ABTB3: variants seen among roughly 807,000 people sequenced by gnomAD.
ABTB3 encodes the protein ankyrin repeat and BTB domain containing 3.
At chr12:107,526,667 T>A in the ABTB3 span, among the ~76,000 whole-genome samples, 23 of 152,288 alleles carry the variant, frequency 1.5e-4, no homozygotes, top group Middle Eastern at 3.4e-3. Flanking sequence ...TTCTAAAATG[T>A]CTCTTCCTGT....
At chr12:107,539,269 G>A in the ABTB3 span, among the ~76,000 whole-genome samples, 2 of 152,130 alleles carry the variant, frequency 1.3e-5, no homozygotes, top group South Asian at 2.1e-4. Context: ...CTCAGTGCCC[G>A]ATCCCACCCC....
chr12:107,652,836 A>AG, the ABTB3 span, among the ~76,000 whole-genome samples: 1 of 152,362 alleles, frequency 6.6e-6, no homozygotes, highest in East Asian at 1.9e-4. Context: ...TGCTGAGCAC[A>AG]GGGGGGATTA....
the ABTB3 span, among the ~76,000 whole-genome samples, chr12:107,553,944 G>A: frequency 6.6e-6 from 1 of 152,142 alleles, no homozygotes; most frequent in Non-Finnish European, 1.5e-5. Context: ...TCTTGAGAGA[G>A]AGAGAGAGAA....
the ABTB3 span, among the ~76,000 whole-genome samples, chr12:107,377,892 A>C: frequency 6.6e-6 from 1 of 152,184 alleles, no homozygotes; most frequent in Non-Finnish European, 1.5e-5. Flanking sequence ...CCCATTCTGG[A>C]CTTGTTTTAA....
chr12:107,420,741 A>T, the ABTB3 span, among the ~76,000 whole-genome samples: 4 of 152,186 alleles, frequency 2.6e-5, no homozygotes, highest in Admixed American at 2.6e-4. Flanking sequence ...TCACTGCCTT[A>T]GTTGTGGGAC....
At chr12:107,400,456 T>A in the ABTB3 span, among the ~76,000 whole-genome samples, 10 of 152,196 alleles carry the variant, frequency 6.6e-5, no homozygotes, top group Non-Finnish European at 1.5e-4. Context: ...CACTGAGTCA[T>A]GATTTCTCTG....
chr12:107,623,285 T>G, the ABTB3 span, among the ~76,000 whole-genome samples: 1 of 151,408 alleles, frequency 6.6e-6, no homozygotes, highest in African/African-American at 2.4e-5. Flanking sequence ...GGCCTCAATC[T>G]CTTGACCTCG....
chr12:107,471,508 T>C, the ABTB3 span, among the ~76,000 whole-genome samples: 7 of 152,218 alleles, frequency 4.6e-5, no homozygotes, highest in Non-Finnish European at 1.0e-4. Context: ...CTTATAGGTA[T>C]TGAGCCCTTA....
At chr12:107,545,262 A>G in the ABTB3 span, among the ~76,000 whole-genome samples, 9 of 151,798 alleles carry the variant, frequency 5.9e-5, no homozygotes, top group African/African-American at 2.2e-4. Flanking sequence ...TTTTTGAGAC[A>G]GGATCTCACT....
the ABTB3 span, among the ~76,000 whole-genome samples, chr12:107,346,547 C>T: frequency 6.6e-6 from 1 of 152,070 alleles, no homozygotes; most frequent in South Asian, 2.1e-4. Flanking sequence ...GCAACCTCTG[C>T]CTCCCGGGTT....
the ABTB3 span, chr12:107,520,540 A>T: frequency 6.2e-7 from 1 of 1,614,214 alleles, no homozygotes; most frequent in Non-Finnish European, 8.5e-7. Context: ...ACAGCGGTCA[A>T]ACAAGCCAGG....
At chr12:107,408,497 G>A in the ABTB3 span, among the ~76,000 whole-genome samples, 13 of 152,184 alleles carry the variant, frequency 8.5e-5, no homozygotes, top group Admixed American at 7.9e-4. Context: ...GAGGAGAGCT[G>A]GGCTAGATTT....
chr12:107,637,198 C>T, the ABTB3 span, among the ~76,000 whole-genome samples: 1 of 152,196 alleles, frequency 6.6e-6, no homozygotes, highest in African/African-American at 2.4e-5. Context: ...CGAGACCAGC[C>T]TTGCCAACAT....
At chr12:107,389,004 C>CTTTTTAATT in the ABTB3 span, among the ~76,000 whole-genome samples, 35,989 of 152,082 alleles carry the variant, frequency 0.24, 4,400 homozygotes, top group Admixed American at 0.29. Context: ...TTGGAGTGAA[C>CTTTTTAATT]CAACATTAAA....
the ABTB3 span, among the ~76,000 whole-genome samples, chr12:107,333,000 A>G: frequency 2.6e-5 from 4 of 152,204 alleles, no homozygotes; most frequent in Admixed American, 1.3e-4. Context: ...ACTAGAAGCC[A>G]TTATTAAGCT....
the ABTB3 span, among the ~76,000 whole-genome samples, chr12:107,530,299 T>A: frequency 1.3e-5 from 2 of 152,158 alleles, no homozygotes; most frequent in African/African-American, 4.8e-5. Context: ...AATCTTCTTG[T>A]TTTGAGCTTT....
chr12:107,585,577 C>T, the ABTB3 span, among the ~76,000 whole-genome samples: 3 of 152,218 alleles, frequency 2.0e-5, no homozygotes, highest in African/African-American at 4.8e-5. Flanking sequence ...GGAAACTTGG[C>T]GGGGGTCAGG....
the ABTB3 span, chr12:107,642,016 G>A: frequency 7.3e-7 from 1 of 1,364,538 alleles, no homozygotes; most frequent in Non-Finnish European, 1.0e-6. Flanking sequence ...TCCATTGTCA[G>A]GAGAGCAGAG....
chr12:107,415,842 C>G, the ABTB3 span, among the ~76,000 whole-genome samples: 1 of 152,102 alleles, frequency 6.6e-6, no homozygotes, highest in African/African-American at 2.4e-5. Flanking sequence ...TATATGACCC[C>G]GAGTTCAAGG....
Sources: allele counts gnomAD v4.1 joint callset (sites outside exome capture counted in the v4.1 genomes callset), GRCh38; gene constraint gnomAD v4.1.1; transcripts MANE v1.5; gene names NCBI Gene and HGNC (gene_info 2026-07-23, HGNC 2026-07-21).